The following CPT1A variants were observed in gnomAD, a reference collection of about 807,000 sequenced individuals.
CPT1A encodes carnitine O-palmitoyltransferase 1, liver isoform.
Under a neutral mutation model 100.8 loss-of-function variants are expected in CPT1A, and 64 were observed. The ratio of observed to expected loss-of-function variants is 0.63; its 90% CI spans 0.52 to 0.78. The LOEUF (loss-of-function observed/expected upper bound fraction) is 0.78, where lower values mean the gene tolerates loss of function less well. CPT1A is among the 30% of genes least tolerant of loss of function. The pLI is 0.00. For missense variants in CPT1A, 802 were observed against 1,034.1 expected, an observed-to-expected ratio of 0.78 and a Z score of 3.08; for synonymous variants, 363 against 396.0, an observed-to-expected ratio of 0.92 and a Z score of 0.99.
chr11:68,754,896 G>C lies in CPT1A; in HGVS notation c.*2748C>G, dbSNP rs1374414709. The C allele has an allele frequency of 1.3e-6, 1 of 777,298 alleles. No homozygotes were observed. Among genetic ancestry groups the C allele is most frequent in the Admixed American group, 1.7e-5 (1 of 58,826 alleles). The allele number at this position is 777,298 out of a possible 1,614,324, so 48.2% of individuals were successfully genotyped here. A position where few individuals can be genotyped will look rare whatever the true frequency, so the allele number is the denominator to read the frequency against. ...CAGAAACAAATCTTGTAGTAGACTGGGGTTAATGTTTTATTAATGATAACC... is the reference window on the plus strand; with the variant it reads ...CAGAAACAAATCTTGTAGTAGACTGCGGTTAATGTTTTATTAATGATAACC... On this transcript the variant is annotated 3_prime_UTR_variant, in exon 19 of 19. Coordinates refer to ENST00000265641, the MANE Select transcript of CPT1A (RefSeq NM_001876.4).
rs370665972 is a variant in CPT1A at position 68,755,098 on chromosome 11, T to A, written c.*2546A>T. On this transcript the variant is annotated 3_prime_UTR_variant, in exon 19 of 19. Coordinates refer to ENST00000265641, the MANE Select transcript of CPT1A (RefSeq NM_001876.4). ...CCTTGGACATGTACAATAAGACCCC[T>A]CTTTCTCCCCTCAAGGAATATAAAA... 4 of 482,386 alleles carry A rather than the reference T, an allele frequency of 8.3e-6. No individual in the cohort carries two copies. The highest frequency in any genetic ancestry group is 6.4e-5 in the East Asian group (2 of 31,220). The allele number at this position is 482,386 out of a possible 1,614,324, so 29.9% of individuals were successfully genotyped here.
intron 6 of CPT1A, 48 bp from the exon 7 acceptor site, chr11:68,796,981 G>C (rs750166266): frequency 6.3e-7 from 1 of 1,595,114 alleles, no homozygotes; most frequent in South Asian, 1.1e-5. Flanking sequence ...GCAGGGGCCA[G>C]GCAGGCTCCC....
intron 6 of CPT1A, among the ~76,000 whole-genome samples, chr11:68,798,345 C>T (rs1855811545): frequency 6.6e-6 from 1 of 152,220 alleles, no homozygotes; most frequent in Non-Finnish European, 1.5e-5. Flanking sequence ...AGCGAATATG[C>T]CCGGCCCCCT....
At chr11:68,800,930 C>T (rs1855889912) in intron 5 of CPT1A, among the ~76,000 whole-genome samples, 1 of 152,046 alleles carries the variant, frequency 6.6e-6, no homozygotes, top group African/African-American at 2.4e-5. Flanking sequence ...GCCTGGGCAA[C>T]ATGGCAAGAC....
intron 9 of CPT1A, among the ~76,000 whole-genome samples, chr11:68,788,776 A>T (rs1330920312): frequency 6.6e-6 from 1 of 152,184 alleles, no homozygotes; most frequent in Non-Finnish European, 1.5e-5. Flanking sequence ...CCAAATGTCC[A>T]GTTAACATTT....
rs527378973 is a variant in CPT1A at position 68,770,014 on chromosome 11, C to T, written c.1740+3251G>A. On this transcript the variant is annotated intron_variant, in intron 14 of 18. Transcript: ENST00000265641. Reference sequence around the variant, plus strand: ...AGCCGAGGCTGCAGTGAGCCGAGATCGTGCCACTGCACTCCAGCCTGGGCA... The same window carrying T: ...AGCCGAGGCTGCAGTGAGCCGAGATTGTGCCACTGCACTCCAGCCTGGGCA... Among the ~76,000 whole-genome samples the T allele has an allele frequency of 3.3e-5, 5 of 151,018 alleles. No individual in the cohort carries two copies. The South Asian group carries it at 6.3e-4, about 19-fold the overall frequency.
chr11:68,803,932 A>C, intron 5 of CPT1A, 68 bp downstream of exon 5: 2 of 1,269,108 alleles, frequency 1.6e-6, no homozygotes, highest in Non-Finnish European at 2.3e-6. Context: ...CTAGTTCATC[A>C]TAATTAAGAC....
At chr11:68,832,451 AAAACAAACAAACAAAC>A (rs369599152) in intron 1 of CPT1A, among the ~76,000 whole-genome samples, 1 of 151,938 alleles carries the variant, frequency 6.6e-6, no homozygotes, top group Non-Finnish European at 1.5e-5. Context: ...CTCTGTCTCA[AAAACAAACAAACAAAC>A]AAACAAACAA....
rs1855839576 is a variant in CPT1A at position 68,799,303 on chromosome 11, G to A, written c.608C>T (p.Thr203Ile). ...GACAGCAAAATCTTGAGCAAGTGCTGTCATCCGTTTGAAGTCTTCTTCCTT... is the reference window on the plus strand; with the variant it reads ...GACAGCAAAATCTTGAGCAAGTGCTATCATCCGTTTGAAGTCTTCTTCCTT... ...LMKEEDFKRM[T>I]ALAQDFAVGL... The change falls in exon 6 of 19, where the codon ACA becomes ATA. Residue 203 changes from threonine (T) to isoleucine (I), a missense_variant. Thr to Ile is a moderately conservative substitution (Grantham distance 89, BLOSUM62 -1). Coordinates refer to ENST00000265641, the MANE Select transcript of CPT1A (RefSeq NM_001876.4). 11 of 1,613,998 alleles carry A rather than the reference G, an allele frequency of 6.8e-6. No individual in the cohort carries two copies. The East Asian group carries it at 2.2e-4, about 33-fold the overall frequency.
rs931583787 is a variant in CPT1A at position 68,799,621 on chromosome 11, G to A, written c.556-266C>T. Among the ~76,000 whole-genome samples the A allele has an allele frequency of 3.3e-5, 5 of 152,038 alleles. No homozygotes were observed. In the East Asian group the frequency reaches 9.6e-4, roughly 29 times the overall value. Reference sequence around the variant, plus strand: ...AAGACAAAAATTAGCTGGACATGGTGGTGCATGTCTGTGGTCCCAGCTACC... The same window carrying A: ...AAGACAAAAATTAGCTGGACATGGTAGTGCATGTCTGTGGTCCCAGCTACC... On this transcript the variant is annotated intron_variant, in intron 5 of 18. Transcript: ENST00000265641.
intron 15 of CPT1A, among the ~76,000 whole-genome samples, chr11:68,762,257 GA>G (rs1171338660): frequency 1.3e-5 from 2 of 152,182 alleles, no homozygotes; most frequent in African/African-American, 4.8e-5. Context: ...ATAACCAATG[GA>G]AGGTCCCGTG....
In CPT1A at chr11:68,841,827, C is replaced by CGGCGGT. The variant is rs1345726725; in HGVS notation, c.-72_-67dup. On this transcript the variant is annotated 5_prime_UTR_variant, in exon 1 of 19. Coordinates refer to ENST00000265641, the MANE Select transcript of CPT1A (RefSeq NM_001876.4). This position sits in a 1 kb window ranked among gnomAD's most constrained non-coding sequence, Gnocchi z 6.3. Reference sequence around the variant, plus strand: ...GCAGCGGCAGCGGCGGCGGCGGCGGCGGCGGTGGAGTGAACGAGCGGCGAG... The same window carrying CGGCGGT: ...GCAGCGGCAGCGGCGGCGGCGGCGGCGGCGGTGGCGGTGGAGTGAACGAGCGGCGAG... 2.0e-6 allele frequency: 2 copies of CGGCGGT among 999,022 alleles called. No individual in the cohort carries two copies. The highest frequency in any genetic ancestry group is 4.4e-5 in the South Asian group (1 of 22,610). The allele number at this position is 999,022 out of a possible 1,614,324, so 61.9% of individuals were successfully genotyped here.
chr11:68,795,925 G>A (rs1207035206), intron 7 of CPT1A, among the ~76,000 whole-genome samples: 8 of 149,384 alleles, frequency 5.4e-5, no homozygotes, highest in African/African-American at 1.7e-4. Flanking sequence ...AAAAAGAAAA[G>A]AAAAAGTAAA....
At chr11:68,828,862 A>T (rs1219235515) in intron 1 of CPT1A, among the ~76,000 whole-genome samples, 2 of 152,084 alleles carry the variant, frequency 1.3e-5, no homozygotes, top group East Asian at 3.9e-4. Flanking sequence ...GGGGGAGGCC[A>T]CCAGGCACGC....
intron 13 of CPT1A, 30 bp from the exon 14 acceptor site, chr11:68,773,459 G>A (rs1855052388): frequency 1.9e-6 from 3 of 1,613,804 alleles, no homozygotes; most frequent in South Asian, 1.1e-5. Context: ...AGGTTTTACG[G>A]AACGAGGGGA....
intron 1 of CPT1A, among the ~76,000 whole-genome samples, chr11:68,838,648 A>G (rs1857083023): frequency 6.8e-6 from 1 of 147,610 alleles, no homozygotes; most frequent in Non-Finnish European, 1.5e-5. Flanking sequence ...ATCATAGCTC[A>G]CTGCAGTCTC....
chr11:68,762,385 G>C (rs969039638), intron 15 of CPT1A, among the ~76,000 whole-genome samples: 1 of 152,230 alleles, frequency 6.6e-6, no homozygotes, highest in Non-Finnish European at 1.5e-5. Flanking sequence ...TCAGGAAGTA[G>C]AATATGATTT....
At chr11:68,810,192 G>A (rs112292633) in intron 3 of CPT1A, among the ~76,000 whole-genome samples, 2 of 148,046 alleles carry the variant, frequency 1.4e-5, no homozygotes, top group African/African-American at 5.2e-5. Flanking sequence ...AGAAAAAAAA[G>A]AAGATATTCA....
intron 18 of CPT1A, 85 bp from the exon 19 acceptor site, chr11:68,757,815 A>G (rs757355822): frequency 1.8e-6 from 2 of 1,133,584 alleles, no homozygotes; most frequent in Non-Finnish European, 1.3e-6. Context: ...ATCTGACCCA[A>G]TGTTTCATTG....
Sources: gnomAD v4.1 joint callset for allele counts (sites outside exome capture counted in the v4.1 genomes callset) on GRCh38, gnomAD v4.1.1 for gene constraint, Gnocchi (gnomAD v3.1) non-coding constraint, MANE v1.5 for transcripts, NCBI Gene and HGNC (gene_info 2026-07-23, HGNC 2026-07-21) for gene names.